Variants in IQGAP2 observed in about 807,000 individuals in gnomAD.
IQGAP2 encodes the protein IQ motif containing GTPase activating protein 2, also known as ras GTPase-activating-like protein IQGAP2.
In IQGAP2, 173 loss-of-function variants were observed where a neutral mutation model predicts 201.3. The observed-to-expected ratio is 0.86, with a 90% confidence interval of 0.76 to 0.98. The LOEUF is 0.98. Ranked by LOEUF, IQGAP2 falls within the 50% of genes least tolerant of loss-of-function variation. The probability of loss-of-function intolerance (pLI) is 0.00; values close to 1 mark genes in which losing one functional copy is unlikely to be tolerated. For missense variants in IQGAP2, 1,687 were observed against 1,864.8 expected (o/e 0.90, Z 1.76); for synonymous variants, 675 against 673.9 (o/e 1.00, Z -0.03).
intron 2 of IQGAP2, among the ~76,000 whole-genome samples, chr5:76,532,891 T>A (rs577003352): frequency 6.6e-6 from 1 of 152,350 alleles, no homozygotes; most frequent in South Asian, 2.1e-4. Context: ...GCCTCTCATG[T>A]TCCAGGTCCC....
At chr5:76,683,357 T>G in intron 29 of IQGAP2, 140 bp downstream of exon 29, 1 of 577,740 alleles carries the variant, frequency 1.7e-6, no homozygotes, top group Non-Finnish European at 3.1e-6. Context: ...GAATAACAAC[T>G]ACACTTGCCC....
At chr5:76,503,412 C>T (rs1465356784) in intron 2 of IQGAP2, among the ~76,000 whole-genome samples, 5 of 151,186 alleles carry the variant, frequency 3.3e-5, no homozygotes, top group East Asian at 2.0e-4. Context: ...TGACTTCAGG[C>T]GATCCACCTG....
chr5:76,467,468 T>C (rs1265817948), intron 2 of IQGAP2, among the ~76,000 whole-genome samples: 1 of 152,110 alleles, frequency 6.6e-6, no homozygotes, highest in East Asian at 1.9e-4. Flanking sequence ...CCAGCGTAGC[T>C]ATAATCAAAG....
At chr5:76,551,070 G>T (rs913582952) in intron 2 of IQGAP2, among the ~76,000 whole-genome samples, 2 of 150,394 alleles carry the variant, frequency 1.3e-5, no homozygotes, top group Admixed American at 1.3e-4. Flanking sequence ...CCGGGCGGAG[G>T]GGCTCCTCAC....
Position 76,575,687 on chromosome 5 carries a change from T to C in IQGAP2, c.382-6T>C. ...TATAATAAATATTGTTTCTTTTGTT[T>C]TCCAGATATTTTATCCAGAAACAAC... is the stretch of plus-strand genomic sequence containing the variant. On this transcript the variant is annotated splice_polypyrimidine_tract_variant and splice_region_variant and intron_variant, in intron 4 of 35. Coordinates refer to ENST00000274364, the MANE Select transcript of IQGAP2 (RefSeq NM_006633.5). 1 of 1,537,958 alleles carries C rather than the reference T, an allele frequency of 6.5e-7. No individual in the cohort carries two copies. The highest frequency in any genetic ancestry group is 8.9e-7 in the Non-Finnish European group (1 of 1,128,148).
intron 35 of IQGAP2, among the ~76,000 whole-genome samples, chr5:76,706,674 G>A (rs1747932511): frequency 6.6e-6 from 1 of 152,164 alleles, no homozygotes; most frequent in Admixed American, 6.5e-5. Context: ...TAAAGAATAT[G>A]CATCTAGCCA....
intron 2 of IQGAP2, among the ~76,000 whole-genome samples, chr5:76,541,003 T>A (rs1466250089): frequency 6.6e-6 from 1 of 152,224 alleles, no homozygotes. Flanking sequence ...ATATCACAGC[T>A]TTTCTTTTTT....
chr5:76,445,452 C>T (rs1212534051), intron 1 of IQGAP2, among the ~76,000 whole-genome samples: 1 of 150,794 alleles, frequency 6.6e-6, no homozygotes, highest in East Asian at 1.9e-4. Flanking sequence ...TGGCAAAAAT[C>T]GGCCGTTTTA....
rs10533521 is a variant in IQGAP2 at position 76,602,582 on chromosome 5, A to AT, written c.1232+1622dup. ...TGTGAAGAACTTTTAAAATGTTTTG[A>AT]TTTTTTTTTTTTAATTTAAATACAT... is the stretch of plus-strand genomic sequence containing the variant. On this transcript the variant is annotated intron_variant, in intron 11 of 35. Coordinates refer to ENST00000274364, the MANE Select transcript of IQGAP2 (RefSeq NM_006633.5). Among the ~76,000 whole-genome samples, 484 of 148,370 alleles carry AT rather than the reference A, an allele frequency of 3.3e-3. 2 individuals are homozygous for AT. The highest frequency in any genetic ancestry group is 0.01 in the African/African-American group (415 of 40,600).
In IQGAP2 at chr5:76,557,884, G is replaced by T. The variant is rs535393978; in HGVS notation, c.147-4512G>T. The stretch of plus-strand genomic sequence containing the variant: ...TGGAGTGGTGCGATCTTGGCTCACT[G>T]CAACCTCCGCCTCTCAGATTCAAGC... On this transcript the variant is annotated intron_variant, in intron 2 of 35. Coordinates refer to ENST00000274364, the MANE Select transcript of IQGAP2 (RefSeq NM_006633.5). Among the ~76,000 whole-genome samples the T allele has an allele frequency of 1.1e-4, 17 of 152,226 alleles. No homozygotes were observed. In the South Asian group the frequency reaches 3.5e-3, roughly 32 times the overall value.
chr5:76,410,517 T>C (rs1006630730), intron 1 of IQGAP2, among the ~76,000 whole-genome samples: 3 of 152,204 alleles, frequency 2.0e-5, no homozygotes, highest in Non-Finnish European at 4.4e-5. Flanking sequence ...TTTGGTGCCC[T>C]GTCTGCTGGC....
At chr5:76,439,435 G>A (rs1410913499) in intron 1 of IQGAP2, among the ~76,000 whole-genome samples, 1 of 152,148 alleles carries the variant, frequency 6.6e-6, no homozygotes, top group African/African-American at 2.4e-5. Context: ...TGCTATCAGT[G>A]GAGTACTGAA....
chr5:76,511,862 A>G (rs913717360), intron 2 of IQGAP2, among the ~76,000 whole-genome samples: 1 of 151,774 alleles, frequency 6.6e-6, no homozygotes, highest in South Asian at 2.1e-4. Flanking sequence ...TTGTATTTTT[A>G]GTAGAGACGG....
intron 5 of IQGAP2, among the ~76,000 whole-genome samples, chr5:76,586,529 T>C (rs1416973467): frequency 6.6e-6 from 1 of 152,166 alleles, no homozygotes; most frequent in Non-Finnish European, 1.5e-5. Context: ...CCAACCACCA[T>C]AAGGAAATAC....
intron 13 of IQGAP2, among the ~76,000 whole-genome samples, chr5:76,613,725 C>T (rs577438756): frequency 5.9e-5 from 9 of 151,934 alleles, no homozygotes; most frequent in Non-Finnish European, 1.2e-4. Flanking sequence ...GGTGGAGTCT[C>T]GCTCAGTTAC....
intron 2 of IQGAP2, chr5:76,547,503 G>A (rs576383649): frequency 2.0e-5 from 15 of 748,180 alleles, no homozygotes; most frequent in East Asian, 1.3e-4. Context: ...TCCTGCCTAC[G>A]TTGGGGCAAA....
chr5:76,496,734 TTTCTTTCTTTCTTTCTTTCTTTC>T (rs1756948646), intron 2 of IQGAP2, among the ~76,000 whole-genome samples: 5 of 38,444 alleles, frequency 1.3e-4, no homozygotes, highest in African/African-American at 5.3e-4. Context: ...CTTTTCTTTC[TTTCTTTCTTTCTTTCTTTCTTTC>T]TTTCTTTCTT....
At chr5:76,691,390 A>G (rs1735741678) in intron 30 of IQGAP2, 1 of 152,222 alleles carries the variant, frequency 6.6e-6, no homozygotes, top group South Asian at 2.1e-4. Flanking sequence ...TGTATATCAC[A>G]ATTAGTTCTG....
intron 13 of IQGAP2, among the ~76,000 whole-genome samples, chr5:76,622,365 G>T (rs780579218): frequency 6.6e-6 from 1 of 152,156 alleles, no homozygotes; most frequent in Non-Finnish European, 1.5e-5. Flanking sequence ...CTCTGCAACC[G>T]CTCAGGGATT....
Sources: gnomAD v4.1 joint callset for allele counts (sites outside exome capture counted in the v4.1 genomes callset) on GRCh38, gnomAD v4.1.1 for gene constraint, MANE v1.5 for transcripts, NCBI Gene and HGNC (gene_info 2026-07-23, HGNC 2026-07-21) for gene names.